Variants in UTRN observed in about 807,000 individuals in gnomAD.
The protein encoded by UTRN is dystrophin-related protein 1.
In UTRN, 283 loss-of-function variants were observed where a neutral mutation model predicts 463.9. The observed-to-expected ratio is 0.61, with a 90% CI of 0.55 to 0.67. The LOEUF is 0.67. Ranked by LOEUF, UTRN falls within the 30% of genes least tolerant of loss-of-function variation. UTRN has a pLI of 0.00. For synonymous variants in UTRN, 1,442 were observed against 1,431.5 expected (o/e 1.01, Z -0.17); for missense variants, 3,922 against 4,084.3 (o/e 0.96, Z 1.08).
intron 2 of UTRN, chr6:144,330,934 C>G: frequency 1.0e-6 from 1 of 985,362 alleles, no homozygotes; most frequent in South Asian, 4.7e-5. Flanking sequence ...GGAGTCTTAA[C>G]TACATTTGGA....
Position 144,444,253 on chromosome 6 carries a change from G to T in UTRN, c.1513-28G>T. The stretch of plus-strand genomic sequence containing the variant: ...GATAACTCTCTCTTAAGGCTGTGTT[G>T]ACAAAGGATGGTTTCTCCTTTTTCT... On this transcript the variant is annotated intron_variant, in intron 13 of 74. Coordinates refer to ENST00000367545, the MANE Select transcript of UTRN (RefSeq NM_007124.3). The T allele has an allele frequency of 1.9e-6, 3 of 1,585,230 alleles. No homozygotes were observed. In the South Asian group the frequency reaches 3.4e-5, roughly 18 times the overall value.
chr6:144,757,817 C>T, intron 57 of UTRN, 112 bp from the exon 58 acceptor site: 6 of 922,388 alleles, frequency 6.5e-6, no homozygotes, highest in Non-Finnish European at 9.6e-6. Context: ...GAATCCAGCT[C>T]AGAAACCAGA....
rs41285043 is a variant in UTRN, at chr6:144,851,354, T to C, written c.*357T>C. On this transcript the variant is annotated 3_prime_UTR_variant, in exon 75 of 75. Coordinates refer to ENST00000367545, the MANE Select transcript of UTRN (RefSeq NM_007124.3). ...TATGATACCGTCTTTTTAATAACTA[T>C]GACAAAGCTTACATAAGAATTAGAA... 4.4e-6 allele frequency: 1 copy of C among 226,196 alleles called. No homozygotes were observed. The highest frequency in any genetic ancestry group is 8.8e-6 in the Non-Finnish European group (1 of 114,182). The allele number at this position is 226,196 out of a possible 1,614,324, so 14.0% of individuals were successfully genotyped here.
intron 58 of UTRN, among the ~76,000 whole-genome samples, chr6:144,764,618 C>G (rs1488333090): frequency 1.3e-5 from 2 of 152,004 alleles, no homozygotes; most frequent in African/African-American, 4.8e-5. Context: ...GATATCTATA[C>G]TTTATAAAGA....
At chr6:144,772,698 A>C (rs1161164524) in intron 59 of UTRN, among the ~76,000 whole-genome samples, 1 of 152,194 alleles carries the variant, frequency 6.6e-6, no homozygotes, top group Non-Finnish European at 1.5e-5. Flanking sequence ...ACCTAGTTTA[A>C]ATTTGTCTAA....
chr6:144,751,931 T>C lies in UTRN; in HGVS notation c.8334T>C (p.Asn2778=). 1 of 1,609,916 alleles carries C rather than the reference T, an allele frequency of 6.2e-7. No individual in the cohort carries two copies. Among genetic ancestry groups the C allele is most frequent in the Non-Finnish European group, 8.5e-7 (1 of 1,178,324 alleles). ...LKMSRQLDDL[N]MRWKLLQVSV... is the part of the protein sequence containing the mutation. The stretch of plus-strand genomic sequence containing the variant: ...TGTCTCGCCAGCTAGATGACCTTAA[T>C]ATGCGATGGAAACTTTTACAGGTAT... The change falls in exon 56 of 75, where the codon AAT becomes AAC. Residue 2778 remains asparagine (N), a synonymous_variant. Coordinates refer to ENST00000367545, the MANE Select transcript of UTRN (RefSeq NM_007124.3).
At position 144,433,084 on chromosome 6, in the gene UTRN, T is replaced by A. The variant is rs767989490; in HGVS notation, c.856-2851T>A. ...AAATGAAAAGTCTCCCATGTCTCCT[T>A]CTTTCTACACAGACACGGCAACCAT... is the stretch of plus-strand genomic sequence containing the variant. On this transcript the variant is annotated intron_variant, in intron 9 of 74. Transcript: ENST00000367545. Among the ~76,000 whole-genome samples, 183 of 152,344 alleles carry A rather than the reference T, an allele frequency of 1.2e-3. 1 individual carries two copies. The highest frequency in any genetic ancestry group is 2.7e-3 in the Admixed American group (42 of 15,302).
At chr6:144,673,114 T>C (rs76667847) in intron 51 of UTRN, among the ~76,000 whole-genome samples, 2,053 of 152,272 alleles carry the variant, frequency 0.013, 17 homozygotes, top group Non-Finnish European at 0.021. Context: ...TCTTGAAGAA[T>C]GTTCCATGTG....
chr6:144,624,498 G>A (rs1452438759), intron 51 of UTRN, among the ~76,000 whole-genome samples: 2 of 152,170 alleles, frequency 1.3e-5, no homozygotes, highest in Non-Finnish European at 2.9e-5. Context: ...GTAGAAAATA[G>A]CCACTGATAC....
intron 48 of UTRN, 69 bp from the exon 49 acceptor site, chr6:144,554,619 A>G (rs1799219687): frequency 2.0e-6 from 3 of 1,513,898 alleles, no homozygotes; most frequent in Non-Finnish European, 2.7e-6. Flanking sequence ...CATTTGATAT[A>G]TGATATTTTT....
At chr6:144,539,903 C>T (rs1011878532) in intron 45 of UTRN, among the ~76,000 whole-genome samples, 5 of 151,792 alleles carry the variant, frequency 3.3e-5, no homozygotes, top group African/African-American at 4.8e-5. Flanking sequence ...ATTTGCCAGG[C>T]GTAGTGGCAC....
At chr6:144,493,233 G>A in intron 32 of UTRN, 68 bp from the exon 33 acceptor site, 3 of 1,510,104 alleles carry the variant, frequency 2.0e-6, no homozygotes, top group Non-Finnish European at 2.7e-6. Flanking sequence ...GCTGTGGTCT[G>A]ACATGATGCC....
chr6:144,583,418 C>T (rs1802168312), intron 51 of UTRN: 1 of 634,816 alleles, frequency 1.6e-6, no homozygotes. Flanking sequence ...AATCATTGTC[C>T]AGTGACCGGG....
chr6:144,486,453 T>C (rs551657394), intron 28 of UTRN, among the ~76,000 whole-genome samples: 195 of 152,326 alleles, frequency 1.3e-3, no homozygotes, highest in African/African-American at 4.6e-3. Flanking sequence ...TCTTCCTAAT[T>C]ATTATCTTTT....
intron 51 of UTRN, among the ~76,000 whole-genome samples, chr6:144,608,624 C>A (rs892227360): frequency 6.6e-6 from 1 of 152,134 alleles, no homozygotes; most frequent in African/African-American, 2.4e-5. Flanking sequence ...CCCATGGTTT[C>A]TACAGGGGGA....
intron 33 of UTRN, among the ~76,000 whole-genome samples, chr6:144,496,656 G>T (rs9321977): frequency 0.35 from 53,069 of 152,072 alleles, 12,129 homozygotes; most frequent in African/African-American, 0.66. Flanking sequence ...AAATTATCTC[G>T]TTGTCTAATG....
intron 62 of UTRN, among the ~76,000 whole-genome samples, chr6:144,790,291 C>T (rs1433610423): frequency 1.3e-5 from 2 of 152,050 alleles, no homozygotes; most frequent in Non-Finnish European, 2.9e-5. Flanking sequence ...CAGATAAATC[C>T]ATACATTTGT....
rs993996244 is a variant in UTRN, at chr6:144,748,440, T to C, written c.8134T>C (p.Ser2712Pro). The C allele has an allele frequency of 1.4e-5, 23 of 1,613,690 alleles. No individual in the cohort carries two copies. The highest frequency in any genetic ancestry group is 1.6e-4 in the Middle Eastern group (1 of 6,062). ...DLDADMKEAE[S>P]VRNGWKPVGD... Reference sequence around the variant, plus strand: ...GGACGCTGACATGAAGGAGGCAGAGTCCGTGCGGAATGGCTGGAAGCCCGT... The same window carrying C: ...GGACGCTGACATGAAGGAGGCAGAGCCCGTGCGGAATGGCTGGAAGCCCGT... The change falls in exon 55 of 75, where the codon TCC becomes CCC. Residue 2712 changes from serine to proline, a missense_variant. Transcript: ENST00000367545.
rs9399503 is a variant in UTRN, at chr6:144,803,015, A to G, written c.9246-21A>G. 277,803 of 1,502,694 alleles carry G rather than the reference A, an allele frequency of 0.18. 27,178 individuals carry two copies. The highest frequency in any genetic ancestry group is 0.27 in the South Asian group (19,741 of 73,116). 93.1% of individuals were successfully genotyped at this position (1,502,694 alleles called of 1,614,324 possible). A position where few individuals can be genotyped will look rare whatever the true frequency, so the allele number is the denominator to read the frequency against. ...AAATGATAGTAATGCAAGCCAATAA[A>G]TTTTCTTTTGTTTTCTCTAGGTATA... On this transcript the variant is annotated intron_variant, in intron 64 of 74. Transcript: ENST00000367545.
Sources: gnomAD v4.1 joint callset for allele counts (sites outside exome capture counted in the v4.1 genomes callset) on GRCh38, gnomAD v4.1.1 for gene constraint, MANE v1.5 for transcripts, NCBI Gene and HGNC (gene_info 2026-07-23, HGNC 2026-07-21) for gene names.